The following TMEM178B variants were observed in gnomAD, a reference collection of about 807,000 sequenced individuals.
The protein encoded by TMEM178B is transmembrane protein 178B.
In TMEM178B, 5 loss-of-function variants were observed where a neutral mutation model predicts 31.0. That is an observed-to-expected ratio of 0.16 (90% CI 0.08 to 0.34). The LOEUF is 0.34. TMEM178B is among the 10% of genes least tolerant of loss of function. TMEM178B has a pLI of 1.00. For missense variants in TMEM178B, 275 were observed against 400.3 expected, an observed-to-expected ratio of 0.69 and a Z score of 2.67; for synonymous variants, 164 against 164.0, an observed-to-expected ratio of 1.00 and a Z score of 0.00.
chr7:141,360,228 A>G (rs1799894311), intron 2 of TMEM178B, among the ~76,000 whole-genome samples: 1 of 152,208 alleles, frequency 6.6e-6, no homozygotes, highest in Non-Finnish European at 1.5e-5. Context: ...GATTCTGTTC[A>G]GATAAGGATA....
At chr7:141,411,795 T>C (rs1434867575) in intron 2 of TMEM178B, among the ~76,000 whole-genome samples, 2 of 152,180 alleles carry the variant, frequency 1.3e-5, no homozygotes, top group Non-Finnish European at 2.9e-5. Context: ...TTCTTACAAA[T>C]AGGTTGACAA....
intron 2 of TMEM178B, among the ~76,000 whole-genome samples, chr7:141,295,326 G>C (rs1045860046): frequency 6.6e-6 from 1 of 152,198 alleles, no homozygotes; most frequent in Admixed American, 6.5e-5. Flanking sequence ...TGTGCAGAGA[G>C]GTGAGGAAAG....
In TMEM178B at chr7:141,344,493, G is replaced by A. The variant is rs1799573122; in HGVS notation, c.497-93115G>A. On this transcript the variant is annotated intron_variant, in intron 2 of 3. Transcript: ENST00000565468. This position sits in a 1 kb window ranked among gnomAD's most constrained non-coding sequence, Gnocchi z 4.1. ...ACATTTTAGGCACTCTTTTTACTTT[G>A]AAATTTTTAAAAATGTAATTTTAAG... is the stretch of plus-strand genomic sequence containing the variant. Among the ~76,000 whole-genome samples the A allele has an allele frequency of 6.6e-6, 1 of 152,108 alleles. No individual in the cohort carries two copies. The highest frequency in any genetic ancestry group is 6.5e-5 in the Admixed American group (1 of 15,276).
At chr7:141,392,572 A>T (rs1285093227) in intron 2 of TMEM178B, among the ~76,000 whole-genome samples, 2 of 152,198 alleles carry the variant, frequency 1.3e-5, no homozygotes, top group African/African-American at 4.8e-5. Context: ...AACAAAGTGA[A>T]CTATGATTCC....
chr7:141,489,826 T>C, the TMEM178B span, among the ~76,000 whole-genome samples: 6 of 152,182 alleles, frequency 3.9e-5, no homozygotes, highest in Admixed American at 6.5e-5. Context: ...AAATAGACTA[T>C]AATGTAAATA....
At chr7:141,369,260 C>G (rs1800065721) in intron 2 of TMEM178B, among the ~76,000 whole-genome samples, 1 of 151,922 alleles carries the variant, frequency 6.6e-6, no homozygotes, top group African/African-American at 2.4e-5. Context: ...ATAATTTCCT[C>G]TCATTATTAT....
intron 1 of TMEM178B, among the ~76,000 whole-genome samples, chr7:141,204,982 G>A (rs925896377): frequency 1.3e-5 from 2 of 151,954 alleles, no homozygotes; most frequent in African/African-American, 4.8e-5. Context: ...CACCACACTC[G>A]GCTAATTTTT....
chr7:141,354,229 T>C (rs567007740), intron 2 of TMEM178B, among the ~76,000 whole-genome samples: 1 of 152,338 alleles, frequency 6.6e-6, no homozygotes, highest in East Asian at 1.9e-4. Context: ...TATGAATGTA[T>C]GTTATGTTTT....
At chr7:141,300,671 G>T (rs1436593956) in intron 2 of TMEM178B, among the ~76,000 whole-genome samples, 1 of 152,084 alleles carries the variant, frequency 6.6e-6, no homozygotes, top group Non-Finnish European at 1.5e-5. Flanking sequence ...ACAACCTGGA[G>T]AGTGGGGGAA....
At chr7:141,489,582 C>T in the TMEM178B span, among the ~76,000 whole-genome samples, 1 of 152,114 alleles carries the variant, frequency 6.6e-6, no homozygotes, top group South Asian at 2.1e-4. Flanking sequence ...CTCCCCACTC[C>T]CTTCATGTGT....
At chr7:141,373,147 G>A (rs1321710873) in intron 2 of TMEM178B, among the ~76,000 whole-genome samples, 1 of 152,170 alleles carries the variant, frequency 6.6e-6, no homozygotes, top group Non-Finnish European at 1.5e-5. Context: ...ATGAGATCTT[G>A]CATATGAAAT....
At chr7:141,100,917 A>G (rs546610225) in intron 1 of TMEM178B, among the ~76,000 whole-genome samples, 2 of 152,306 alleles carry the variant, frequency 1.3e-5, no homozygotes, top group South Asian at 4.1e-4. Context: ...GCTTTGAGGA[A>G]TGAAACTGAG....
the TMEM178B span, among the ~76,000 whole-genome samples, chr7:141,502,549 T>A: frequency 6.6e-6 from 1 of 152,192 alleles, no homozygotes; most frequent in Non-Finnish European, 1.5e-5. Flanking sequence ...AGGCAGCTGA[T>A]CACCTGAGGT....
intron 1 of TMEM178B, among the ~76,000 whole-genome samples, chr7:141,151,974 A>G (rs1795982312): frequency 1.3e-5 from 2 of 152,114 alleles, no homozygotes; most frequent in East Asian, 1.9e-4. Flanking sequence ...AGTGTGCTAC[A>G]GTGGGGGCAG....
intron 2 of TMEM178B, among the ~76,000 whole-genome samples, chr7:141,410,291 A>G (rs1800959472): frequency 6.6e-6 from 1 of 152,190 alleles, no homozygotes; most frequent in South Asian, 2.1e-4. Flanking sequence ...TGCAGATGTA[A>G]CAAATCCCAC....
chr7:141,246,918 A>G (rs1365323993), intron 2 of TMEM178B, among the ~76,000 whole-genome samples: 3 of 152,142 alleles, frequency 2.0e-5, no homozygotes, highest in Non-Finnish European at 4.4e-5. Context: ...CCTTCTTTAA[A>G]GAGCTTATTG....
chr7:141,360,409 AAAG>A (rs1655968610), intron 2 of TMEM178B, among the ~76,000 whole-genome samples: 5 of 152,204 alleles, frequency 3.3e-5, no homozygotes, highest in African/African-American at 1.2e-4. Flanking sequence ...TAATAAGAGG[AAAG>A]AAGATGTCTT....
chr7:141,223,999 C>A (rs1159462271), intron 2 of TMEM178B, among the ~76,000 whole-genome samples: 1 of 152,072 alleles, frequency 6.6e-6, no homozygotes, highest in African/African-American at 2.4e-5. Context: ...GTGGGAGGGG[C>A]CGGTGGGAGA....
At chr7:141,130,332 G>A (rs1244802070) in intron 1 of TMEM178B, among the ~76,000 whole-genome samples, 1 of 152,164 alleles carries the variant, frequency 6.6e-6, no homozygotes, top group African/African-American at 2.4e-5. Flanking sequence ...AGAATTTACG[G>A]TTTGTAGGGC....
Sources: allele counts gnomAD v4.1 joint callset (sites outside exome capture counted in the v4.1 genomes callset), GRCh38; gene constraint gnomAD v4.1.1; non-coding constraint Gnocchi (gnomAD v3.1); transcripts MANE v1.5; gene names NCBI Gene and HGNC (gene_info 2026-07-23, HGNC 2026-07-21).